The following RNGTT variants were observed in gnomAD, a reference collection of about 807,000 sequenced individuals.
RNGTT encodes RNA guanylyltransferase and 5'-phosphatase.
Under a neutral mutation model 79.3 loss-of-function variants are expected in RNGTT, and 33 were observed. The observed-to-expected ratio is 0.42, with a 90% CI of 0.32 to 0.56. RNGTT has a LOEUF of 0.56. Ranked by LOEUF, RNGTT falls within the 20% of genes least tolerant of loss-of-function variation. The pLI is 0.17. For synonymous variants in RNGTT, 222 were observed against 235.9 expected (o/e 0.94, Z 0.54); for missense variants, 497 against 739.1 (o/e 0.67, Z 3.80).
At position 88,636,751 on chromosome 6, in the gene RNGTT, A is replaced by T. The variant is rs73752984; in HGVS notation, c.1507-22356T>A. ...GACAAAGACAAGAACCCCAAATCTC[A>T]CCTCCAATCCTGAGTTCCTTTCAAC... On this transcript the variant is annotated intron_variant, in intron 14 of 15. Coordinates refer to ENST00000369485, the MANE Select transcript of RNGTT (RefSeq NM_003800.5). 2.7e-3 allele frequency among the ~76,000 whole-genome samples: 410 copies of T among 151,586 alleles called. 3 individuals carry two copies. Among genetic ancestry groups the T allele is most frequent in the African/African-American group, 9.6e-3 (398 of 41,316 alleles).
At chr6:88,913,214 C>CAAAAAAAAAAAAA (rs58717773) in intron 4 of RNGTT, among the ~76,000 whole-genome samples, 4 of 65,500 alleles carry the variant, frequency 6.1e-5, no homozygotes, top group African/African-American at 1.4e-4. Context: ...CAAAAAAAAA[C>CAAAAAAAAAAAAA]AAAAAAAAAA....
chr6:88,623,972 A>G (rs1772533447), intron 14 of RNGTT, among the ~76,000 whole-genome samples: 1 of 152,052 alleles, frequency 6.6e-6, no homozygotes, highest in Admixed American at 6.6e-5. Context: ...GAAATTTAAA[A>G]TTTTAAAGTA....
Position 88,928,997 on chromosome 6 carries a change from G to A in RNGTT, c.355C>T (p.Pro119Ser). 6.2e-7 allele frequency: 1 copy of A among 1,609,186 alleles called. No homozygotes were observed. The highest frequency in any genetic ancestry group is 8.5e-7 in the Non-Finnish European group (1 of 1,177,558). Residue 119 changes from proline to serine, a missense_variant, in exon 4 of 16, where the codon CCT becomes TCT. Around this residue, in one of 3 missense-constraint regions of RNGTT, gnomAD observed 440 missense variants for 671.5 expected, o/e 0.66. Coordinates refer to ENST00000369485, the MANE Select transcript of RNGTT (RefSeq NM_003800.5). ...LCERFNERNP[P>S]ELIGVHCTHG... ...AAGCCAAACATACCTATAAGTTCAG[G>A]TGGATTTCTTTCATTAAACCGCTCA...
intron 1 of RNGTT, among the ~76,000 whole-genome samples, chr6:88,948,467 C>T (rs1389987529): frequency 5.8e-5 from 8 of 138,990 alleles, no homozygotes; most frequent in Admixed American, 3.5e-4. Flanking sequence ...CCCGGCCAGC[C>T]GCCCCGTCCG....
intron 8 of RNGTT, among the ~76,000 whole-genome samples, chr6:88,860,058 G>C (rs900517330): frequency 6.6e-6 from 1 of 152,072 alleles, no homozygotes; most frequent in Non-Finnish European, 1.5e-5. Context: ...AACAGAATAG[G>C]GGTCAATCTG....
At chr6:88,868,559 C>T (rs1782250435) in intron 8 of RNGTT, among the ~76,000 whole-genome samples, 1 of 152,196 alleles carries the variant, frequency 6.6e-6, no homozygotes, top group African/African-American at 2.4e-5. Context: ...TCATCCTTCA[C>T]TCATCATCCT....
At chr6:88,651,828 G>A (rs1773808755) in intron 14 of RNGTT, among the ~76,000 whole-genome samples, 1 of 151,934 alleles carries the variant, frequency 6.6e-6, no homozygotes, top group Admixed American at 6.6e-5. Context: ...AAGCAAATCT[G>A]ATGTAAAATA....
At chr6:88,730,559 G>A (rs924066798) in intron 13 of RNGTT, among the ~76,000 whole-genome samples, 7 of 152,276 alleles carry the variant, frequency 4.6e-5, no homozygotes, top group African/African-American at 1.7e-4. Context: ...TTTCTCTTGC[G>A]GCACCAAAAC....
intron 14 of RNGTT, among the ~76,000 whole-genome samples, chr6:88,624,380 GAC>G (rs763753365): frequency 6.6e-6 from 1 of 151,846 alleles, no homozygotes; most frequent in Non-Finnish European, 1.5e-5. Context: ...TAAGCAGAGA[GAC>G]ACATGGATCA....
At chr6:88,946,467 T>C (rs1267843976) in intron 1 of RNGTT, among the ~76,000 whole-genome samples, 5 of 152,016 alleles carry the variant, frequency 3.3e-5, no homozygotes, top group African/African-American at 1.2e-4. Context: ...CTCTAAGTGT[T>C]CAAGTGAAAT....
intron 11 of RNGTT, among the ~76,000 whole-genome samples, chr6:88,838,417 A>G (rs1781153855): frequency 6.6e-6 from 1 of 152,180 alleles, no homozygotes; most frequent in African/African-American, 2.4e-5. Flanking sequence ...AGACTGTAAG[A>G]TAAAACATCA....
chr6:88,921,831 A>G (rs1248238047), intron 4 of RNGTT, among the ~76,000 whole-genome samples: 1 of 152,168 alleles, frequency 6.6e-6, no homozygotes, highest in Non-Finnish European at 1.5e-5. Flanking sequence ...TTAAAAATAC[A>G]ATATAGTAAC....
chr6:88,850,082 T>G (rs1781621533), intron 9 of RNGTT, among the ~76,000 whole-genome samples: 1 of 152,022 alleles, frequency 6.6e-6, no homozygotes, highest in Non-Finnish European at 1.5e-5. Context: ...ATTTCCATGC[T>G]ACATTTTGCT....
At chr6:88,878,136 C>G (rs1782577770) in intron 8 of RNGTT, among the ~76,000 whole-genome samples, 1 of 151,906 alleles carries the variant, frequency 6.6e-6, no homozygotes, top group South Asian at 2.1e-4. Context: ...TTCTCCGTAG[C>G]CCAGGCTGAA....
Position 88,962,511 on chromosome 6 carries a change from G to A in RNGTT, c.64+835C>T, listed in dbSNP as rs369096828. ...ATTATGGCCAGGCACAGTGGCTCAC[G>A]GCTGTAATCCCAGCACTTTGGGAGG... On this transcript the variant is annotated intron_variant, in intron 1 of 15. Transcript: ENST00000369485. Among the ~76,000 whole-genome samples the A allele has an allele frequency of 4.5e-4, 69 of 152,088 alleles. 3 individuals carry two copies. In the East Asian group the frequency reaches 8.3e-3, roughly 18 times the overall value.
intron 13 of RNGTT, among the ~76,000 whole-genome samples, chr6:88,767,678 CAAAAAAAAAA>C (rs58712575): frequency 2.9e-4 from 24 of 83,512 alleles, no homozygotes; most frequent in Middle Eastern, 0.013. Context: ...TCACTTGTGT[CAAAAAAAAAA>C]AAAAAAAAAA....
intron 12 of RNGTT, among the ~76,000 whole-genome samples, chr6:88,783,345 C>T (rs1476411469): frequency 6.6e-6 from 1 of 152,012 alleles, no homozygotes; most frequent in African/African-American, 2.4e-5. Flanking sequence ...ATTAGTCAAA[C>T]TCATAGAAGC....
At chr6:88,728,885 T>G (rs966369406) in intron 13 of RNGTT, among the ~76,000 whole-genome samples, 7 of 152,222 alleles carry the variant, frequency 4.6e-5, no homozygotes, top group African/African-American at 7.2e-5. Context: ...AAATGCCTGG[T>G]TGAAATAGAT....
chr6:88,959,550 A>G (rs758807855), intron 1 of RNGTT, among the ~76,000 whole-genome samples: 1 of 152,050 alleles, frequency 6.6e-6, no homozygotes, highest in Non-Finnish European at 1.5e-5. Flanking sequence ...AGTTCTGTCC[A>G]TTTTCCCTTC....
Sources: gnomAD v4.1 joint callset for allele counts (sites outside exome capture counted in the v4.1 genomes callset) on GRCh38, gnomAD v4.1.1 for gene constraint, gnomAD v4.1.1 regional missense constraint, MANE v1.5 for transcripts, NCBI Gene and HGNC (gene_info 2026-07-23, HGNC 2026-07-21) for gene names.